Variants in SI observed in about 807,000 individuals in gnomAD.
SI encodes the protein sucrase-isomaltase, also known as sucrase-isomaltase, intestinal.
Under a neutral mutation model 253.3 loss-of-function variants are expected in SI, and 235 were observed. The ratio of observed to expected loss-of-function variants is 0.93; its 90% CI spans 0.83 to 1.03. The LOEUF is 1.03. Ranked by LOEUF, SI falls within the 50% of genes least tolerant of loss-of-function variation. SI has a pLI of 0.00. For missense variants in SI, 2,442 were observed against 2,211.1 expected (o/e 1.10, Z -2.09); for synonymous variants, 819 against 712.0 (o/e 1.15, Z -2.39).
intron 8 of SI, among the ~76,000 whole-genome samples, 180 bp downstream of exon 8, chr3:165,063,262 C>T: frequency 6.6e-6 from 1 of 151,972 alleles, no homozygotes; most frequent in East Asian, 1.9e-4. Flanking sequence ...AATAGATGCG[C>T]TGGCATGCAA....
At chr3:165,068,985 T>A in intron 4 of SI, 93 bp downstream of exon 4, 1 of 1,064,862 alleles carries the variant, frequency 9.4e-7, no homozygotes, top group Non-Finnish European at 1.5e-6. Context: ...CTCAGGAACA[T>A]ATTTCTTATT....
chr3:165,079,847 CA>C (rs34150972), upstream of SI, among the ~76,000 whole-genome samples: 1 of 151,406 alleles, frequency 6.6e-6, no homozygotes, highest in Admixed American at 6.6e-5. Context: ...AGAATAGCAC[CA>C]AAAAATGTTG....
At position 165,015,169 on chromosome 3, in the gene SI, T is replaced by A. The variant is rs1193644915; in HGVS notation, c.3953A>T (p.Asp1318Val). The change falls in exon 33 of 48, where the codon GAT (aspartate) becomes GTT (valine). Residue 1318 changes from aspartate (D) to valine (V), a missense_variant. Transcript: ENST00000264382. ...YPAFERGQQNDVFVKWPNTND... is the reference protein window; with the variant it reads ...YPAFERGQQNVVFVKWPNTND... Reference sequence around the variant, plus strand: ...GGTGTTTGGCCATTTGACAAAGACATCATTCTGCTGTCCTCTTTCAAATGC... The same window carrying A: ...GGTGTTTGGCCATTTGACAAAGACAACATTCTGCTGTCCTCTTTCAAATGC... The A allele has an allele frequency of 4.3e-6, 7 of 1,613,582 alleles. No individual in the cohort carries two copies. The highest frequency in any genetic ancestry group is 5.1e-6 in the Non-Finnish European group (6 of 1,179,686).
intron 35 of SI, among the ~76,000 whole-genome samples, chr3:165,008,825 T>C (rs1173508343): frequency 6.6e-6 from 1 of 151,866 alleles, no homozygotes; most frequent in African/African-American, 2.4e-5. Context: ...GCAAAGTAAA[T>C]TATTTTTATG....
intron 31 of SI, among the ~76,000 whole-genome samples, chr3:165,016,689 T>C (rs1439412260): frequency 6.6e-6 from 1 of 151,992 alleles, no homozygotes; most frequent in East Asian, 1.9e-4. Flanking sequence ...AATTGTATCA[T>C]GGAATATTCA....
Position 165,068,718 on chromosome 3 carries a change from G to A in SI, c.483+4C>T, listed in dbSNP as rs13086543. 4,938 of 1,607,202 alleles carry A rather than the reference G, an allele frequency of 3.1e-3. 127 individuals are homozygous for A. In the African/African-American group the frequency reaches 0.056, roughly 18 times the overall value. ...TAAATCTTTGGAAACCTTAAAAACCGAACCTTGAACCGGAAACGATTGGGT... is the reference window on the plus strand; with the variant it reads ...TAAATCTTTGGAAACCTTAAAAACCAAACCTTGAACCGGAAACGATTGGGT... On this transcript the variant is annotated splice_donor_region_variant and intron_variant, in intron 5 of 47. Transcript: ENST00000264382.
rs576404163 is a variant in SI at position 165,001,631 on chromosome 3, AT to A, written c.4407-2959del. ...ATATTTTGATATACCAATTGTATCA[AT>A]GTTCTATTCATCTATATCATTCAGA... On this transcript the variant is annotated intron_variant, in intron 37 of 47. Coordinates refer to ENST00000264382, the MANE Select transcript of SI (RefSeq NM_001041.4). 2.7e-3 allele frequency among the ~76,000 whole-genome samples: 409 copies of A among 151,568 alleles called. 5 individuals are homozygous for A. The highest frequency in any genetic ancestry group is 0.01 in the Middle Eastern group (3 of 294).
Position 165,074,530 on chromosome 3 carries a change from C to A in SI, c.255+1G>T, listed in dbSNP as rs1443123640. On this transcript the variant is annotated splice_donor_variant, in intron 3 of 47. Transcript: ENST00000264382. LOFTEE classifies it high-confidence loss of function. Reference sequence around the variant, plus strand: ...AAATATTAAAGACTTTTGCTGCAGACCTCTGTTGGGAATTGTTCTGGAATG... The same window carrying A: ...AAATATTAAAGACTTTTGCTGCAGAACTCTGTTGGGAATTGTTCTGGAATG... 1.3e-6 allele frequency: 2 copies of A among 1,598,170 alleles called. No homozygotes were observed. The highest frequency in any genetic ancestry group is 1.7e-6 in the Non-Finnish European group (2 of 1,170,354).
intron 37 of SI, among the ~76,000 whole-genome samples, chr3:165,004,433 C>A (rs1718404604): frequency 6.6e-6 from 1 of 152,094 alleles, no homozygotes. Context: ...TATGATTCAG[C>A]AGTCCTGCTG....
chr3:164,982,351 A>G lies in SI; in HGVS notation c.5307T>C (p.Leu1769=), dbSNP rs1252243857. 1.2e-6 allele frequency: 2 copies of G among 1,612,694 alleles called. No individual in the cohort carries two copies. The highest frequency in any genetic ancestry group is 2.7e-5 in the African/African-American group (2 of 74,890). The part of the protein sequence containing the change: ...RGYINKSETR[L]GSLHVWGKGT... ...CTTTCCCCCATACATGAAGGGATCC[A>G]AGCCTCGTTTCACTTTTATTTATGT... Residue 1769 remains leucine (L), a synonymous_variant, in exon 47 of 48, where the codon CTT becomes CTC. Transcript: ENST00000264382.
At chr3:165,018,242 A>T (rs1018942433) in intron 28 of SI, among the ~76,000 whole-genome samples, 176 bp from the exon 29 acceptor site, 1 of 151,230 alleles carries the variant, frequency 6.6e-6, no homozygotes, top group African/African-American at 2.4e-5. Flanking sequence ...AATTGTTTAA[A>T]TTTTTTCTGC....
Position 165,067,376 on chromosome 3 carries a change from C to T in SI, c.599G>A (p.Ser200Asn), listed in dbSNP as rs775769221. ...GTTGCTTTTCCTAATAACTTGGATG[C>T]TAAATGGGTTTTGGGCAACCTTCAC... ...YDVKVAQNPF[S>N]IQVIRKSNGK... is the part of the protein sequence containing the mutation. The change falls in exon 6 of 48, where the codon AGC (serine) becomes AAC (asparagine). Residue 200 changes from serine to asparagine, a missense_variant. Ser to Asn is a conservative substitution (Grantham distance 46). Transcript: ENST00000264382. 1.9e-6 allele frequency: 3 copies of T among 1,611,572 alleles called. No homozygotes were observed. Among genetic ancestry groups the T allele is most frequent in the African/African-American group, 2.7e-5 (2 of 74,842 alleles).
At chr3:165,065,489 A>ATATATATATATATATATATATATATT (rs1232995448) in intron 6 of SI, 57 bp from the exon 7 acceptor site, 1 of 277,454 alleles carries the variant, frequency 3.6e-6, no homozygotes, top group African/African-American at 2.5e-5. Context: ...ATATATATAT[A>ATATATATATATATATATATATATATT]TATATGATAT....
intron 9 of SI, among the ~76,000 whole-genome samples, chr3:165,061,114 A>G (rs1442416565): frequency 6.6e-6 from 1 of 151,730 alleles, no homozygotes; most frequent in Admixed American, 6.6e-5. Flanking sequence ...TAGACATGTG[A>G]TTGAAATTTC....
chr3:165,053,059 A>C (rs2108238615), intron 13 of SI, among the ~76,000 whole-genome samples: 1 of 151,898 alleles, frequency 6.6e-6, no homozygotes, highest in Non-Finnish European at 1.5e-5. Flanking sequence ...TGGAAATGGT[A>C]TTTTAATTTT....
At chr3:165,069,243 A>G (rs1366164755) in intron 3 of SI, 48 bp from the exon 4 acceptor site, 5 of 1,196,370 alleles carry the variant, frequency 4.2e-6, no homozygotes, top group Non-Finnish European at 6.2e-6. Context: ...CTATTATCAG[A>G]TGTCCCAGTC....
intron 22 of SI, among the ~76,000 whole-genome samples, chr3:165,034,689 T>G (rs187226257): frequency 6.6e-6 from 1 of 152,040 alleles, no homozygotes; most frequent in South Asian, 2.1e-4. Context: ...TTTGTGTGTG[T>G]GTGGGTGCGT....
Position 164,982,397 on chromosome 3 carries a change from C to T in SI, c.5261G>A (p.Ser1754Asn), listed in dbSNP as rs1294125829. 6.2e-7 allele frequency: 1 copy of T among 1,610,414 alleles called. No individual in the cohort carries two copies. The highest frequency in any genetic ancestry group is 1.7e-5 in the Admixed American group (1 of 59,850). Residue 1754 changes from serine (S) to asparagine (N), a missense_variant, in exon 47 of 48, where the codon AGC becomes AAC. Transcript: ENST00000264382. ...QFNLNQTTLTSTILKRGYINK... is the reference protein window; with the variant it reads ...QFNLNQTTLTNTILKRGYINK... ...TATGTAACCTCTCTTCAATATAGTG[C>T]TTGTTAAGGTGGTCTATAAATAAAG... is the stretch of plus-strand genomic sequence containing the variant.
intron 34 of SI, among the ~76,000 whole-genome samples, chr3:165,009,633 C>T (rs1197664990): frequency 6.6e-6 from 1 of 152,082 alleles, no homozygotes; most frequent in Non-Finnish European, 1.5e-5. Flanking sequence ...TATAAAGGAA[C>T]AGTTCACAAC....
Sources: gnomAD v4.1 joint callset for allele counts (sites outside exome capture counted in the v4.1 genomes callset) on GRCh38, gnomAD v4.1.1 for gene constraint, MANE v1.5 for transcripts, NCBI Gene and HGNC (gene_info 2026-07-23, HGNC 2026-07-21) for gene names.